CLASP1: variants seen among roughly 807,000 people sequenced by gnomAD.
CLASP1 encodes CLIP-associating protein 1.
A neutral mutation model predicts 192.3 loss-of-function variants in CLASP1; 38 were observed. That is an observed-to-expected ratio of 0.20 (90% CI 0.15 to 0.26). The LOEUF (loss-of-function observed/expected upper bound fraction) is 0.26, where lower values mean the gene tolerates loss of function less well. Ranked by LOEUF, CLASP1 falls within the 10% of genes least tolerant of loss-of-function variation. CLASP1 has a pLI of 1.00. For missense variants in CLASP1, 1,433 were observed against 1,932.5 expected (o/e 0.74, Z 4.85); for synonymous variants, 691 against 712.8 (o/e 0.97, Z 0.49).
intron 24 of CLASP1, among the ~76,000 whole-genome samples, chr2:121,409,895 A>C (rs1487832771): frequency 1.3e-5 from 2 of 152,174 alleles, no homozygotes; most frequent in Non-Finnish European, 2.9e-5. Flanking sequence ...CCTACAGGAA[A>C]AGGATTAGGA....
At chr2:121,492,534 A>T (rs955043474) in intron 8 of CLASP1, among the ~76,000 whole-genome samples, 2 of 152,080 alleles carry the variant, frequency 1.3e-5, no homozygotes, top group African/African-American at 2.4e-5. Flanking sequence ...ATTTGATTAG[A>T]TGTTTTTCCA....
chr2:121,596,997 C>T (rs1042028091), intron 2 of CLASP1, among the ~76,000 whole-genome samples: 3 of 152,064 alleles, frequency 2.0e-5, no homozygotes, highest in Non-Finnish European at 2.9e-5. Context: ...CAAATGTACA[C>T]GGAGATGAAG....
At chr2:121,402,732 T>C (rs2149467951) in intron 26 of CLASP1, 3 of 494,428 alleles carry the variant, frequency 6.1e-6, no homozygotes, top group Middle Eastern at 6.6e-4. Context: ...GTTATAAATC[T>C]TAAGAATCTA....
At chr2:121,585,342 C>T (rs888866441) in intron 2 of CLASP1, among the ~76,000 whole-genome samples, 1 of 152,166 alleles carries the variant, frequency 6.6e-6, no homozygotes, top group African/African-American at 2.4e-5. Flanking sequence ...GAGCATTTGT[C>T]AGCAGGTTAC....
chr2:121,340,795 T>A, exon 40 of CLASP1: 1 of 1,195,096 alleles, frequency 8.4e-7, no homozygotes, highest in Non-Finnish European at 1.2e-6. Context: ...ATGAAGGGGG[T>A]GGGGAAAGGT....
chr2:121,410,764 A>G, intron 24 of CLASP1, 102 bp downstream of exon 25: 1 of 620,974 alleles, frequency 1.6e-6, no homozygotes, highest in South Asian at 2.4e-5. Flanking sequence ...AGTTTCAAAG[A>G]TGAATTCATA....
At chr2:121,584,904 T>C (rs72971292) in intron 2 of CLASP1, among the ~76,000 whole-genome samples, 5,868 of 152,334 alleles carry the variant, frequency 0.039, 159 homozygotes, top group East Asian at 0.14. Flanking sequence ...AGTGCTGTAA[T>C]GCTGGATCAA....
At chr2:121,529,196 T>C (rs1032064538) in intron 3 of CLASP1, among the ~76,000 whole-genome samples, 1 of 152,186 alleles carries the variant, frequency 6.6e-6, no homozygotes, top group Non-Finnish European at 1.5e-5. Flanking sequence ...TTCATCACTA[T>C]TGTGTATTTT....
At chr2:121,563,839 C>CAT (rs1444493445) in intron 2 of CLASP1, among the ~76,000 whole-genome samples, 2 of 152,178 alleles carry the variant, frequency 1.3e-5, no homozygotes, top group Admixed American at 6.5e-5. Flanking sequence ...CTGATAAAGA[C>CAT]ATATCCAAGA....
At chr2:121,340,904 T>G in exon 40 of CLASP1, 1 of 1,612,132 alleles carries the variant, frequency 6.2e-7, no homozygotes, top group Non-Finnish European at 8.5e-7. Context: ...GCTGTTGCTG[T>G]TGGTGGTCTG....
chr2:121,598,513 T>A, intron 2 of CLASP1, among the ~76,000 whole-genome samples: 1 of 152,224 alleles, frequency 6.6e-6, no homozygotes, highest in Non-Finnish European at 1.5e-5. Context: ...CCAAAATAGG[T>A]ACTATCTGGG....
chr2:121,366,998 A>C (rs1360841657), intron 35 of CLASP1, among the ~76,000 whole-genome samples: 1 of 152,120 alleles, frequency 6.6e-6, no homozygotes, highest in Non-Finnish European at 1.5e-5. Context: ...AATCTTTCTG[A>C]CCCCATACTT....
chr2:121,499,016 G>A lies in CLASP1; in HGVS notation c.712+4151C>T, dbSNP rs570599548. Among the ~76,000 whole-genome samples, 174 of 152,330 alleles carry A rather than the reference G, an allele frequency of 1.1e-3. 2 individuals are homozygous for A. Among genetic ancestry groups the A allele is most frequent in the African/African-American group, 3.4e-3 (140 of 41,562 alleles). On this transcript the variant is annotated intron_variant, in intron 8 of 39. Coordinates refer to ENST00000263710, the Ensembl canonical transcript of CLASP1. Reference sequence around the variant, plus strand: ...AAAACTGGAAAACTGTGTGTTTACTGTGTTTGAGCAGTTACTCAGAAAGTT... The same window carrying A: ...AAAACTGGAAAACTGTGTGTTTACTATGTTTGAGCAGTTACTCAGAAAGTT...
intron 5 of CLASP1, among the ~76,000 whole-genome samples, chr2:121,527,002 G>A (rs558192577): frequency 3.9e-5 from 6 of 152,304 alleles, no homozygotes; most frequent in Admixed American, 3.3e-4. Flanking sequence ...GCTAGCAAGG[G>A]TATGAAGAAA....
intron 37 of CLASP1, among the ~76,000 whole-genome samples, chr2:121,362,670 T>G (rs2066647603): frequency 6.6e-6 from 1 of 152,202 alleles, no homozygotes; most frequent in East Asian, 1.9e-4. Context: ...GTCATCTCAT[T>G]TAATTCTCAT....
intron 2 of CLASP1, among the ~76,000 whole-genome samples, chr2:121,604,547 A>G (rs1466051857): frequency 6.6e-6 from 1 of 152,194 alleles, no homozygotes; most frequent in African/African-American, 2.4e-5. Flanking sequence ...GCACGTCTGT[A>G]GTCCCAGCTA....
chr2:121,585,641 C>T (rs2061635054), intron 2 of CLASP1, among the ~76,000 whole-genome samples: 1 of 152,128 alleles, frequency 6.6e-6, no homozygotes, highest in African/African-American at 2.4e-5. Context: ...TGGCTACTGC[C>T]TTTATCCCAG....
At chr2:121,440,096 TAA>T (rs535955256) in intron 19 of CLASP1, among the ~76,000 whole-genome samples, 2 of 106,784 alleles carry the variant, frequency 1.9e-5, no homozygotes, top group South Asian at 3.0e-4. Flanking sequence ...AAAAAAAAAC[TAA>T]AAAAAAAAAA....
intron 8 of CLASP1, among the ~76,000 whole-genome samples, chr2:121,486,906 C>T (rs951216279): frequency 2.6e-5 from 4 of 152,144 alleles, no homozygotes; most frequent in Non-Finnish European, 5.9e-5. Context: ...TCCAATAATA[C>T]TTAATCCTCT....
Sources: allele counts gnomAD v4.1 joint callset (sites outside exome capture counted in the v4.1 genomes callset), GRCh38; gene constraint gnomAD v4.1.1; transcripts MANE v1.5; gene names NCBI Gene and HGNC (gene_info 2026-07-23, HGNC 2026-07-21).